The following HBS1L variants were observed in gnomAD, a reference collection of about 807,000 sequenced individuals.
HBS1L encodes the protein HBS1 like translational GTPase, also known as HBS1-like protein.
Under a neutral mutation model 88.9 loss-of-function variants are expected in HBS1L, and 55 were observed. The ratio of observed to expected loss-of-function variants is 0.62; its 90% CI spans 0.50 to 0.77. The LOEUF (loss-of-function observed/expected upper bound fraction) is 0.77. Ranked by LOEUF, HBS1L falls within the 30% of genes least tolerant of loss-of-function variation. HBS1L has a pLI of 0.00. For missense variants in HBS1L, 741 were observed against 829.3 expected (o/e 0.89, Z 1.31); for synonymous variants, 267 against 288.5 (o/e 0.93, Z 0.76).
chr6:134,976,273 T>C (rs1157701935), intron 15 of HBS1L, among the ~76,000 whole-genome samples: 1 of 152,156 alleles, frequency 6.6e-6, no homozygotes, highest in Non-Finnish European at 1.5e-5. Flanking sequence ...TTGCCCTGTA[T>C]GCGATGAAGA....
chr6:135,023,398 C>T (rs1031053168), intron 4 of HBS1L, among the ~76,000 whole-genome samples: 5 of 152,028 alleles, frequency 3.3e-5, no homozygotes, highest in Admixed American at 1.3e-4. Flanking sequence ...GAGCCGATTT[C>T]GCGCCACTGC....
intron 7 of HBS1L, among the ~76,000 whole-genome samples, chr6:134,995,282 A>AT (rs772866623): frequency 9.2e-5 from 14 of 152,130 alleles, no homozygotes; most frequent in Non-Finnish European, 1.6e-4. Context: ...ATTTACAAAT[A>AT]TTTAACATGG....
chr6:135,048,257 T>C (rs889376470), intron 2 of HBS1L, among the ~76,000 whole-genome samples: 1 of 152,198 alleles, frequency 6.6e-6, no homozygotes, highest in African/African-American at 2.4e-5. Flanking sequence ...TTTCTTCCAG[T>C]AACTGCAATT....
At chr6:135,002,553 C>A in intron 5 of HBS1L, 181 bp downstream of exon 5, 2 of 451,364 alleles carry the variant, frequency 4.4e-6, no homozygotes, top group Non-Finnish European at 8.1e-6. Flanking sequence ...CAAGATAAGG[C>A]CAGAATCAAG....
chr6:135,051,182 G>A (rs545914948), intron 1 of HBS1L, among the ~76,000 whole-genome samples: 7 of 151,714 alleles, frequency 4.6e-5, no homozygotes, highest in East Asian at 3.9e-4. Flanking sequence ...CCAAGACCGC[G>A]CCACTGCACT....
intron 4 of HBS1L, among the ~76,000 whole-genome samples, chr6:135,024,668 TATAAC>T (rs1236582082): frequency 6.6e-6 from 1 of 151,582 alleles, no homozygotes; most frequent in Non-Finnish European, 1.5e-5. Context: ...CATGGGAATG[TATAAC>T]ATAATTATAA....
chr6:134,982,733 AC>A, intron 12 of HBS1L, 171 bp from the exon 13 acceptor site: 2 of 398,162 alleles, frequency 5.0e-6, no homozygotes, highest in South Asian at 1.8e-4. Context: ...ACCACACTTT[AC>A]TTTTTTTTTT....
intron 2 of HBS1L, among the ~76,000 whole-genome samples, chr6:135,044,741 G>A (rs529927964): frequency 8.1e-4 from 124 of 152,190 alleles, no homozygotes; most frequent in African/African-American, 2.8e-3. Flanking sequence ...ATTCAGTTTC[G>A]TCTAAAAGTA....
At position 134,965,125 on chromosome 6, in the gene HBS1L, T is replaced by C; in HGVS notation, c.*154A>G. 1 of 704,032 alleles carries C rather than the reference T, an allele frequency of 1.4e-6. No individual in the cohort carries two copies. The highest frequency in any genetic ancestry group is 2.5e-6 in the Non-Finnish European group (1 of 404,632). The allele number at this position is 704,032 out of a possible 1,614,324, so 43.6% of individuals were successfully genotyped here. Reference sequence around the variant, plus strand: ...TTAGAATTTTTGCAGAGGTGATTATTAATACTTCTTTGCAGCTAATTTTAG... The same window carrying C: ...TTAGAATTTTTGCAGAGGTGATTATCAATACTTCTTTGCAGCTAATTTTAG... On this transcript the variant is annotated 3_prime_UTR_variant, in exon 18 of 18. Transcript: ENST00000367837.
At position 134,982,491 on chromosome 6, in the gene HBS1L, C is replaced by T; in HGVS notation, c.1564G>A (p.Ala522Thr). The change falls in exon 13 of 18, where the codon GCA becomes ACA. Residue 522 changes from alanine to threonine, a missense_variant. This residue lies in a region of HBS1L where 181 missense variants were observed against 212.7 expected (regional missense o/e 0.85). Transcript: ENST00000367837. ...GYIQTGDRLL[A>T]MPPNETCTVK... Reference sequence around the variant, plus strand: ...GTACAAGTTTCATTAGGAGGCATTGCCAGTAGTCGGTCACCAGTTTGGATA... The same window carrying T: ...GTACAAGTTTCATTAGGAGGCATTGTCAGTAGTCGGTCACCAGTTTGGATA... 6.2e-7 allele frequency: 1 copy of T among 1,610,422 alleles called. No individual in the cohort carries two copies.
At chr6:135,050,517 G>T in intron 2 of HBS1L, 65 bp downstream of exon 2, 4 of 1,060,276 alleles carry the variant, frequency 3.8e-6, no homozygotes, top group Non-Finnish European at 4.3e-6. Flanking sequence ...TCCAGTCCTT[G>T]AACGACTAAC....
chr6:134,974,507 C>G (rs930364579), intron 15 of HBS1L, among the ~76,000 whole-genome samples: 1 of 152,026 alleles, frequency 6.6e-6, no homozygotes, highest in Non-Finnish European at 1.5e-5. Context: ...GCAAAAATCC[C>G]TAACAAAATA....
intron 17 of HBS1L, among the ~76,000 whole-genome samples, chr6:134,965,959 C>A (rs931952132): frequency 6.6e-6 from 1 of 152,100 alleles, no homozygotes; most frequent in South Asian, 2.1e-4. Context: ...TAATGAAGTA[C>A]CCTTTAAAAT....
rs983032318 is a variant in HBS1L at position 134,963,366 on chromosome 6, G to T, written c.*1913C>A. On this transcript the variant is annotated 3_prime_UTR_variant, in exon 18 of 18. Coordinates refer to ENST00000367837, the MANE Select transcript of HBS1L (RefSeq NM_006620.4). ...TGCCCTGGATGGGAGATCTGAGGATGTAAGTGTGGAATTATCACATCTTGT... is the reference window on the plus strand; with the variant it reads ...TGCCCTGGATGGGAGATCTGAGGATTTAAGTGTGGAATTATCACATCTTGT... 1 of 152,226 alleles carries T rather than the reference G, an allele frequency of 6.6e-6. No individual in the cohort carries two copies. The highest frequency in any genetic ancestry group is 6.5e-5 in the Admixed American group (1 of 15,282). 9.4% of individuals were successfully genotyped at this position (152,226 alleles called of 1,614,324 possible). A position where few individuals can be genotyped will look rare whatever the true frequency, so the allele number is the denominator to read the frequency against.
intron 4 of HBS1L, among the ~76,000 whole-genome samples, chr6:135,012,254 A>G (rs1775798085): frequency 1.3e-5 from 2 of 152,212 alleles, no homozygotes; most frequent in South Asian, 4.1e-4. Flanking sequence ...TGAAAAGATA[A>G]CTATGACACA....
At chr6:134,991,267 A>G (rs1481001181) in intron 8 of HBS1L, among the ~76,000 whole-genome samples, 2 of 152,206 alleles carry the variant, frequency 1.3e-5, no homozygotes, top group African/African-American at 4.8e-5. Context: ...TAGCCTACAC[A>G]CTTCCTCTTA....
At position 134,978,800 on chromosome 6, in the gene HBS1L, CA is replaced by C; in HGVS notation, c.1689-14del. ...TATGCAGCCAACACTGTAAGAACAA[CA>C]AAAAAAGAGGAAAGGTAATTGGGGG... On this transcript the variant is annotated splice_polypyrimidine_tract_variant and intron_variant, in intron 14 of 17. Transcript: ENST00000367837. 11 of 1,515,186 alleles carry C rather than the reference CA, an allele frequency of 7.3e-6. No homozygotes were observed. The highest frequency in any genetic ancestry group is 4.5e-5 in the East Asian group (2 of 43,978). 93.9% of individuals were successfully genotyped at this position (1,515,186 alleles called of 1,614,324 possible).
chr6:134,966,367 A>G lies in HBS1L; in HGVS notation c.2005T>C (p.Tyr669His), dbSNP rs777932541. 6.2e-7 allele frequency: 1 copy of G among 1,613,366 alleles called. No individual in the cohort carries two copies. Among genetic ancestry groups the G allele is most frequent in the South Asian group, 1.1e-5 (1 of 90,974 alleles). Reference protein sequence around the residue: ...FKELGRFMLRYGGSTIAAGVV... With the variant: ...FKELGRFMLRHGGSTIAAGVV... Reference sequence around the variant, plus strand: ...CCAGCAGCTATTGTAGAACCACCGTAACGTAGCATGAACCTCCCCAGCTCT... The same window carrying G: ...CCAGCAGCTATTGTAGAACCACCGTGACGTAGCATGAACCTCCCCAGCTCT... Residue 669 changes from tyrosine to histidine, a missense_variant, in exon 17 of 18, where the codon TAC (tyrosine) becomes CAC (histidine). By Grantham distance (83) the Tyr-to-His change is moderately conservative (BLOSUM62 2). Around this residue, in one of 3 missense-constraint regions of HBS1L, gnomAD observed 181 missense variants for 212.7 expected, o/e 0.85. Coordinates refer to ENST00000367837, the MANE Select transcript of HBS1L (RefSeq NM_006620.4).
At chr6:135,033,916 T>C (rs145326999) in intron 4 of HBS1L, among the ~76,000 whole-genome samples, 1 of 152,214 alleles carries the variant, frequency 6.6e-6, no homozygotes, top group South Asian at 2.1e-4. Flanking sequence ...ACTGCTAATA[T>C]ATACATCTAG....
Sources: gnomAD v4.1 joint callset for allele counts (sites outside exome capture counted in the v4.1 genomes callset) on GRCh38, gnomAD v4.1.1 for gene constraint, gnomAD v4.1.1 regional missense constraint, MANE v1.5 for transcripts, NCBI Gene and HGNC (gene_info 2026-07-23, HGNC 2026-07-21) for gene names.